The following SLC1A7 variants were observed in gnomAD, a reference collection of about 807,000 sequenced individuals.
SLC1A7 encodes solute carrier family 1 member 7, also known as excitatory amino acid transporter 5.
Under a neutral mutation model 47.7 loss-of-function variants are expected in SLC1A7, and 40 were observed. That is an observed-to-expected ratio of 0.84 (90% CI 0.65 to 1.09). The LOEUF is 1.09. Among genes scored for constraint, SLC1A7 ranks in the 50% least tolerant of loss-of-function variants. SLC1A7 has a pLI of 0.00. For synonymous variants in SLC1A7, 323 were observed against 325.6 expected (o/e 0.99, Z 0.09); for missense variants, 746 against 769.5 (o/e 0.97, Z 0.36).
Position 53,090,338 on chromosome 1 carries a change from C to T in SLC1A7, c.1226+274G>A, listed in dbSNP as rs371948151. ...CTGTGAGGCCTCCGTCAGCCTCAGC[C>T]GCATCCCAGCACCCCTTCGTTGGCT... On this transcript the variant is annotated intron_variant, in intron 8 of 10. Transcript: ENST00000371494. 4.7e-5 allele frequency: 26 copies of T among 558,688 alleles called. No individual in the cohort carries two copies. The East Asian group carries it at 5.0e-4, about 11-fold the overall frequency. 34.6% of individuals were successfully genotyped at this position (558,688 alleles called of 1,614,324 possible).
chr1:53,126,435 G>A (rs1644882706), intron 2 of SLC1A7, among the ~76,000 whole-genome samples: 1 of 152,186 alleles, frequency 6.6e-6, no homozygotes, highest in Non-Finnish European at 1.5e-5. Context: ...TGGGAGGGCT[G>A]AAATAAACTG....
Position 53,090,700 on chromosome 1 carries a change from C to T in SLC1A7, c.1138G>A (p.Gly380Ser), listed in dbSNP as rs768585493. 8 of 1,613,970 alleles carry T rather than the reference C, an allele frequency of 5.0e-6. No individual in the cohort carries two copies. The highest frequency in any genetic ancestry group is 6.8e-6 in the Non-Finnish European group (8 of 1,180,010). ...GCCACAGCCTCGTAGAGCGCAGTGCCGTCCATGTTGATGGTGGCACCCACG... is the reference window on the plus strand; with the variant it reads ...GCCACAGCCTCGTAGAGCGCAGTGCTGTCCATGTTGATGGTGGCACCCACG... ...LPVGATINMD[G>S]TALYEAVAAI... is the part of the protein sequence containing the mutation. The change falls in exon 8 of 11, where the codon GGC (glycine) becomes AGC (serine). Residue 380 changes from glycine to serine, a missense_variant. By Grantham distance (56) the Gly-to-Ser change is moderately conservative. Coordinates refer to ENST00000371494, the MANE Select transcript of SLC1A7 (RefSeq NM_006671.6).
At chr1:53,091,533 G>A (rs937595439) in intron 7 of SLC1A7, among the ~76,000 whole-genome samples, 1 of 152,172 alleles carries the variant, frequency 6.6e-6, no homozygotes, top group African/African-American at 2.4e-5. Context: ...GGCATGTTTG[G>A]GGCTTTGTCC....
At chr1:53,089,756 C>T (rs1644398756) in intron 9 of SLC1A7, 44 bp downstream of exon 9, 1 of 1,605,704 alleles carries the variant, frequency 6.2e-7, no homozygotes, top group African/African-American at 1.3e-5. Context: ...ACCCTGAAGT[C>T]AGCCCCTCCC....
chr1:53,091,454 G>A (rs920634658), intron 7 of SLC1A7, among the ~76,000 whole-genome samples: 3 of 152,218 alleles, frequency 2.0e-5, no homozygotes, highest in Admixed American at 1.3e-4. Context: ...TTGAGGCTGC[G>A]GTTCCTGCTG....
intron 2 of SLC1A7, among the ~76,000 whole-genome samples, chr1:53,122,342 C>T (rs1463864615): frequency 6.6e-6 from 1 of 152,176 alleles, no homozygotes; most frequent in Non-Finnish European, 1.5e-5. Context: ...GGGCTCTGGC[C>T]TTGGCTGACC....
chr1:53,121,990 C>T (rs1339519565), intron 2 of SLC1A7, among the ~76,000 whole-genome samples: 2 of 151,470 alleles, frequency 1.3e-5, no homozygotes, highest in African/African-American at 4.9e-5. Flanking sequence ...GTGATAGAGG[C>T]ACGTGCCTGG....
At chr1:53,111,114 A>G (rs1644696961) in intron 3 of SLC1A7, among the ~76,000 whole-genome samples, 1 of 152,160 alleles carries the variant, frequency 6.6e-6, no homozygotes, top group Admixed American at 6.5e-5. Flanking sequence ...GGTAGTAAGA[A>G]AGGCTATGAG....
chr1:53,138,523 T>C (rs551791090), intron 1 of SLC1A7, among the ~76,000 whole-genome samples: 2 of 140,530 alleles, frequency 1.4e-5, no homozygotes, highest in Non-Finnish European at 1.5e-5. Context: ...ATCCCAGTTA[T>C]TGACATTAAT....
At chr1:53,116,481 A>G (rs1444689932) in intron 2 of SLC1A7, among the ~76,000 whole-genome samples, 2 of 152,134 alleles carry the variant, frequency 1.3e-5, no homozygotes, top group Non-Finnish European at 2.9e-5. Context: ...AGTGTTTACA[A>G]TCTCTGCTCA....
intron 2 of SLC1A7, among the ~76,000 whole-genome samples, chr1:53,124,253 C>CA (rs747329068): frequency 0.011 from 50 of 4,636 alleles, 1 homozygote; most frequent in African/African-American, 0.012. Flanking sequence ...ATACACAACA[C>CA]ACACACACAC....
At chr1:53,136,757 C>G (rs1200873054) in intron 1 of SLC1A7, among the ~76,000 whole-genome samples, 1 of 149,210 alleles carries the variant, frequency 6.7e-6, no homozygotes, top group Non-Finnish European at 1.5e-5. Context: ...ACCTCCACCT[C>G]CTGGGCTCAA....
At chr1:53,141,626 C>A (rs980263438) in intron 1 of SLC1A7, among the ~76,000 whole-genome samples, 1 of 151,748 alleles carries the variant, frequency 6.6e-6, no homozygotes, top group Admixed American at 6.6e-5. Context: ...GTCCCCCAGC[C>A]CACATCCAAT....
At chr1:53,128,972 A>G (rs1557688490) in intron 2 of SLC1A7, among the ~76,000 whole-genome samples, 1 of 141,016 alleles carries the variant, frequency 7.1e-6, no homozygotes, top group Non-Finnish European at 1.6e-5. Context: ...TGAGGTCAGG[A>G]GTTCGAGACC....
chr1:53,106,920 C>T (rs1644648728), intron 3 of SLC1A7, among the ~76,000 whole-genome samples: 1 of 151,992 alleles, frequency 6.6e-6, no homozygotes, highest in African/African-American at 2.4e-5. Flanking sequence ...TTTGGGAGGC[C>T]AAGGTGGGCA....
Position 53,090,714 on chromosome 1 carries a change from G to A in SLC1A7, c.1124C>T (p.Thr375Ile), listed in dbSNP as rs1019774407. The change falls in exon 8 of 11, where the codon ACC becomes ATC. Residue 375 changes from threonine to isoleucine, a missense_variant. By Grantham distance (89) the Thr-to-Ile change is moderately conservative. Transcript: ENST00000371494. ...IARFVLPVGA[T>I]INMDGTALYE... ...GAGCGCAGTGCCGTCCATGTTGATG[G>A]TGGCACCCACGGGCAGCACGAAGCG... is the stretch of plus-strand genomic sequence containing the variant. 1.9e-6 allele frequency: 3 copies of A among 1,613,994 alleles called. No individual in the cohort carries two copies. Among genetic ancestry groups the A allele is most frequent in the Non-Finnish European group, 2.5e-6 (3 of 1,180,020 alleles).
intron 2 of SLC1A7, among the ~76,000 whole-genome samples, chr1:53,126,236 C>G (rs1287895133): frequency 1.3e-5 from 2 of 152,194 alleles, no homozygotes; most frequent in East Asian, 1.9e-4. Context: ...CAGGAGGTGC[C>G]TGGGCACAGC....
chr1:53,139,230 G>C (rs1008293095), intron 1 of SLC1A7, among the ~76,000 whole-genome samples: 6 of 152,206 alleles, frequency 3.9e-5, no homozygotes, highest in Non-Finnish European at 7.3e-5. Flanking sequence ...GGATGGTAGA[G>C]GAGTCTCCTT....
intron 3 of SLC1A7, among the ~76,000 whole-genome samples, chr1:53,113,008 G>C (rs965178270): frequency 4.0e-5 from 6 of 151,350 alleles, no homozygotes; most frequent in Non-Finnish European, 4.4e-5. Flanking sequence ...GGAGCAGGCA[G>C]AGCAGGAAAG....
Sources: allele counts gnomAD v4.1 joint callset (sites outside exome capture counted in the v4.1 genomes callset), GRCh38; gene constraint gnomAD v4.1.1; transcripts MANE v1.5; gene names NCBI Gene and HGNC (gene_info 2026-07-23, HGNC 2026-07-21).